The following SETBP1 variants were observed in gnomAD, a reference collection of about 807,000 sequenced individuals.
SETBP1 encodes the protein SET-binding protein.
In SETBP1, 9 loss-of-function variants were observed where a neutral mutation model predicts 101.0. That is an observed-to-expected ratio of 0.09 (90% CI 0.05 to 0.16). SETBP1 has a LOEUF of 0.16. Ranked by LOEUF, SETBP1 falls within the 10% of genes least tolerant of loss-of-function variation. SETBP1 has a pLI of 1.00. For missense variants in SETBP1, 1,858 were observed against 2,033.8 expected (o/e 0.91, Z 1.66); for synonymous variants, 818 against 788.5 (o/e 1.04, Z -0.63).
chr18:45,031,239 T>C (rs950984763), intron 4 of SETBP1, among the ~76,000 whole-genome samples: 2 of 152,208 alleles, frequency 1.3e-5, no homozygotes, highest in African/African-American at 4.8e-5. Flanking sequence ...ATCTAGATAA[T>C]TAAGAGTACT....
At chr18:44,723,515 AC>A (rs1205439352) in intron 2 of SETBP1, among the ~76,000 whole-genome samples, 3 of 152,318 alleles carry the variant, frequency 2.0e-5, no homozygotes, top group Non-Finnish European at 2.9e-5. Context: ...GGGAAAAAAA[AC>A]AACACCCTTT....
At chr18:44,962,769 T>C (rs2071638806) in intron 4 of SETBP1, among the ~76,000 whole-genome samples, 1 of 152,002 alleles carries the variant, frequency 6.6e-6, no homozygotes, top group Admixed American at 6.6e-5. Context: ...GTCAACAGAG[T>C]AGAGCAGGCA....
intron 2 of SETBP1, among the ~76,000 whole-genome samples, chr18:44,790,615 G>T (rs1339055774): frequency 2.0e-5 from 3 of 152,178 alleles, no homozygotes; most frequent in Non-Finnish European, 4.4e-5. Context: ...TCCTTCACAG[G>T]CCTGTAAGGC....
chr18:44,995,662 G>C (rs998481020), intron 4 of SETBP1, among the ~76,000 whole-genome samples: 1 of 151,650 alleles, frequency 6.6e-6, no homozygotes, highest in Non-Finnish European at 1.5e-5. Flanking sequence ...TATTTATCAT[G>C]GTTCTGGAGG....
rs2073948630 is a variant in SETBP1 at position 45,064,991 on chromosome 18, G to A, written c.*1293G>A. On this transcript the variant is annotated 3_prime_UTR_variant, in exon 6 of 6. Transcript: ENST00000649279. ...TGGACAAAGTATCCAAATTGTGGTT[G>A]CCTTAATAAACTAAAACATTATTGT... 6.6e-6 allele frequency: 1 copy of A among 152,146 alleles called. No homozygotes were observed. 9.4% of individuals were successfully genotyped at this position (152,146 alleles called of 1,614,324 possible). A position where few individuals can be genotyped will look rare whatever the true frequency, so the allele number is the denominator to read the frequency against.
intron 2 of SETBP1, among the ~76,000 whole-genome samples, chr18:44,839,848 T>C (rs2072580445): frequency 6.6e-6 from 1 of 152,232 alleles, no homozygotes; most frequent in Non-Finnish European, 1.5e-5. Context: ...TGATATTTGC[T>C]GAATGCCCAG....
At chr18:44,782,073 A>C (rs899385287) in intron 2 of SETBP1, among the ~76,000 whole-genome samples, 1 of 152,218 alleles carries the variant, frequency 6.6e-6, no homozygotes, top group Non-Finnish European at 1.5e-5. Context: ...GGGAAAATGA[A>C]GTAGCTGTTA....
chr18:44,908,805 A>G (rs1360566930), intron 3 of SETBP1, among the ~76,000 whole-genome samples: 2 of 152,210 alleles, frequency 1.3e-5, no homozygotes, highest in Admixed American at 1.3e-4. Flanking sequence ...TTGGTAATTC[A>G]TGTCCTGTAG....
chr18:44,924,440 A>G (rs2070652462), intron 3 of SETBP1, among the ~76,000 whole-genome samples: 1 of 152,208 alleles, frequency 6.6e-6, no homozygotes, highest in Non-Finnish European at 1.5e-5. Context: ...TCCAAAATTA[A>G]GAATAGTTGC....
At chr18:44,850,210 A>T (rs1391030033) in intron 2 of SETBP1, among the ~76,000 whole-genome samples, 1 of 152,152 alleles carries the variant, frequency 6.6e-6, no homozygotes, top group Admixed American at 6.5e-5. Flanking sequence ...ACCCATTGGG[A>T]TCTTTAAAAA....
chr18:45,027,113 T>TAG (rs1176637376), intron 4 of SETBP1, among the ~76,000 whole-genome samples: 2 of 152,208 alleles, frequency 1.3e-5, no homozygotes, highest in Non-Finnish European at 2.9e-5. Flanking sequence ...ACCTTTCCAC[T>TAG]ATAGAATCGA....
chr18:44,803,300 C>A (rs781422669), intron 2 of SETBP1, among the ~76,000 whole-genome samples: 3 of 152,128 alleles, frequency 2.0e-5, no homozygotes, highest in Non-Finnish European at 4.4e-5. Flanking sequence ...AGGCCCAGGC[C>A]CTTGGCACGG....
At chr18:44,713,219 A>T (rs1341877091) in intron 2 of SETBP1, among the ~76,000 whole-genome samples, 2 of 152,002 alleles carry the variant, frequency 1.3e-5, no homozygotes, top group East Asian at 3.9e-4. Context: ...GGCCTCCCAA[A>T]GTGCTGGGAT....
intron 4 of SETBP1, among the ~76,000 whole-genome samples, chr18:45,022,811 C>G (rs960253287): frequency 1.3e-5 from 2 of 152,206 alleles, no homozygotes; most frequent in African/African-American, 4.8e-5. Context: ...GCCTGGGCAA[C>G]AGAGCGAGAC....
intron 2 of SETBP1, among the ~76,000 whole-genome samples, chr18:44,823,726 G>C (rs2072168791): frequency 6.6e-6 from 1 of 152,204 alleles, no homozygotes; most frequent in Non-Finnish European, 1.5e-5. Flanking sequence ...TGGCAAAGCA[G>C]TAGAAAGGGG....
chr18:44,778,172 G>A (rs8085464), intron 2 of SETBP1, among the ~76,000 whole-genome samples: 102,512 of 151,992 alleles, frequency 0.67, 35,057 homozygotes, highest in Non-Finnish European at 0.73. Flanking sequence ...TTGATACTGA[G>A]CTGGCCTTGT....
chr18:45,030,531 G>C (rs2073272893), intron 4 of SETBP1, among the ~76,000 whole-genome samples: 1 of 145,382 alleles, frequency 6.9e-6, no homozygotes, highest in Non-Finnish European at 1.5e-5. Context: ...CTCTTAAAAT[G>C]AGTTAGGGAG....
At chr18:44,918,581 T>C (rs923441762) in intron 3 of SETBP1, among the ~76,000 whole-genome samples, 1 of 152,210 alleles carries the variant, frequency 6.6e-6, no homozygotes. Context: ...GCCCTTGCTC[T>C]GAAATGCTGA....
At chr18:45,007,066 C>T (rs914984272) in intron 4 of SETBP1, among the ~76,000 whole-genome samples, 16 of 152,142 alleles carry the variant, frequency 1.1e-4, no homozygotes, top group Non-Finnish European at 2.2e-4. Flanking sequence ...AGTTATAAAC[C>T]TCCTCAGTAT....
Sources: allele counts gnomAD v4.1 joint callset (sites outside exome capture counted in the v4.1 genomes callset), GRCh38; gene constraint gnomAD v4.1.1; transcripts MANE v1.5; gene names NCBI Gene and HGNC (gene_info 2026-07-23, HGNC 2026-07-21).